Variants in CACNA2D3 observed in about 807,000 individuals in gnomAD.
CACNA2D3 encodes the protein calcium voltage-gated channel auxiliary subunit alpha2delta 3.
A neutral mutation model predicts 160.6 loss-of-function variants in CACNA2D3; 60 were observed. That is an observed-to-expected ratio of 0.37 (90% CI 0.30 to 0.46). The LOEUF (loss-of-function observed/expected upper bound fraction) is 0.46. Ranked by LOEUF, CACNA2D3 falls within the 20% of genes least tolerant of loss-of-function variation. The pLI, the probability that CACNA2D3 is intolerant of heterozygous loss-of-function variation, is 1.00. For missense variants in CACNA2D3, 1,205 were observed against 1,365.0 expected (o/e 0.88, Z 1.85); for synonymous variants, 558 against 492.9 (o/e 1.13, Z -1.75).
At chr3:54,338,927 C>A (rs1704455917) in intron 3 of CACNA2D3, among the ~76,000 whole-genome samples, 1 of 152,192 alleles carries the variant, frequency 6.6e-6, no homozygotes, top group South Asian at 2.1e-4. Flanking sequence ...TTAGCAGCAT[C>A]ACCACAGACA....
At chr3:54,837,039 T>G in intron 14 of CACNA2D3, 120 bp from the exon 15 acceptor site, 1 of 803,122 alleles carries the variant, frequency 1.2e-6, no homozygotes, top group East Asian at 2.4e-5. Context: ...AAGGCTTGAG[T>G]GGGCACTGTT....
intron 4 of CACNA2D3, among the ~76,000 whole-genome samples, chr3:54,423,694 T>C (rs1420863383): frequency 6.6e-6 from 1 of 152,142 alleles, no homozygotes; most frequent in African/African-American, 2.4e-5. Context: ...TCTCTGGTTT[T>C]TCTGAGTAAA....
chr3:55,051,570 C>T (rs945164008), intron 35 of CACNA2D3, among the ~76,000 whole-genome samples: 1 of 151,844 alleles, frequency 6.6e-6, no homozygotes, highest in African/African-American at 2.4e-5. Flanking sequence ...TTGTCTGTGC[C>T]CTCCCTCCAG....
chr3:54,530,904 C>T (rs1309229769), intron 5 of CACNA2D3, among the ~76,000 whole-genome samples: 2 of 152,232 alleles, frequency 1.3e-5, no homozygotes, highest in African/African-American at 2.4e-5. Flanking sequence ...CACACTGGCA[C>T]CACTGAGACC....
At chr3:54,782,762 T>C (rs1341316608) in intron 13 of CACNA2D3, among the ~76,000 whole-genome samples, 1 of 152,030 alleles carries the variant, frequency 6.6e-6, no homozygotes, top group Non-Finnish European at 1.5e-5. Context: ...TATGACTACA[T>C]CATTTAGAAA....
At chr3:54,790,673 C>A (rs368265062) in intron 13 of CACNA2D3, among the ~76,000 whole-genome samples, 14 of 152,264 alleles carry the variant, frequency 9.2e-5, no homozygotes, top group African/African-American at 3.4e-4. Context: ...CAGAACACAT[C>A]TCAATCTCTC....
intron 29 of CACNA2D3, among the ~76,000 whole-genome samples, chr3:54,976,917 A>G (rs1404024731): frequency 6.6e-6 from 1 of 152,226 alleles, no homozygotes; most frequent in Non-Finnish European, 1.5e-5. Context: ...CCTCGTTCTA[A>G]GAAGAAAGGT....
At chr3:54,912,267 C>T (rs1393516019) in intron 27 of CACNA2D3, among the ~76,000 whole-genome samples, 3 of 152,158 alleles carry the variant, frequency 2.0e-5, no homozygotes, top group Non-Finnish European at 4.4e-5. Flanking sequence ...TATCTTATTA[C>T]TTTTCCCATA....
chr3:54,825,149 C>A (rs1342398411), intron 14 of CACNA2D3, among the ~76,000 whole-genome samples: 1 of 152,132 alleles, frequency 6.6e-6, no homozygotes, highest in African/African-American at 2.4e-5. Flanking sequence ...TGCAATGAAA[C>A]TGCCTTTTCT....
At chr3:54,685,258 G>A (rs572104372) in intron 11 of CACNA2D3, among the ~76,000 whole-genome samples, 4 of 152,322 alleles carry the variant, frequency 2.6e-5, no homozygotes, top group African/African-American at 9.6e-5. Context: ...ATGAATCGGA[G>A]GTCCTCAAAG....
intron 2 of CACNA2D3, among the ~76,000 whole-genome samples, chr3:54,260,624 G>A (rs1702385670): frequency 6.6e-6 from 1 of 152,130 alleles, no homozygotes; most frequent in African/African-American, 2.4e-5. Flanking sequence ...CATGAGCTTC[G>A]GGGGACACAT....
chr3:54,674,974 A>G (rs1700215414), intron 11 of CACNA2D3, among the ~76,000 whole-genome samples: 1 of 152,154 alleles, frequency 6.6e-6, no homozygotes, highest in South Asian at 2.1e-4. Context: ...AAGAGACTAG[A>G]GAGAGCCAGT....
chr3:54,500,553 CTT>C (rs1701277201), intron 4 of CACNA2D3, among the ~76,000 whole-genome samples: 1 of 146,054 alleles, frequency 6.8e-6, no homozygotes, highest in Non-Finnish European at 1.5e-5. Context: ...TCCTTCCTTC[CTT>C]TCTCTCTCTT....
intron 5 of CACNA2D3, among the ~76,000 whole-genome samples, chr3:54,529,259 C>T (rs1701770340): frequency 1.3e-5 from 2 of 152,150 alleles, no homozygotes; most frequent in Non-Finnish European, 2.9e-5. Flanking sequence ...CGTTTCTTAA[C>T]AGTAGGCGTT....
intron 17 of CACNA2D3, among the ~76,000 whole-genome samples, chr3:54,859,972 G>GCGCGCGCGCACACACACA (rs535185040): frequency 8.4e-4 from 113 of 133,882 alleles, no homozygotes; most frequent in African/African-American, 2.9e-3. Context: ...GAAAGTAGAT[G>GCGCGCGCGCACACACACA]CACACACACA....
At chr3:54,735,952 A>ATATATCTTTGCATTATTGTTCCATTAT (rs1701489874) in intron 11 of CACNA2D3, among the ~76,000 whole-genome samples, 1 of 136,070 alleles carries the variant, frequency 7.3e-6, no homozygotes, top group Non-Finnish European at 1.6e-5. Flanking sequence ...CACTTTTTGC[A>ATATATCTTTGCATTATTGTTCCATTAT]TATATCTTTG....
chr3:54,275,436 T>A (rs1289476812), intron 2 of CACNA2D3, among the ~76,000 whole-genome samples: 1 of 151,024 alleles, frequency 6.6e-6, no homozygotes, highest in Admixed American at 6.6e-5. Flanking sequence ...ATAAGGAAAC[T>A]CAATTATAAT....
rs78708236 is a variant in CACNA2D3, at chr3:54,202,946, C to T, written c.204+79352C>T. Reference sequence around the variant, plus strand: ...TGTTAAGTGCAGAAAGTGAACTCACCGGGTCAGGGTTGGGAGGATTTTTCT... The same window carrying T: ...TGTTAAGTGCAGAAAGTGAACTCACTGGGTCAGGGTTGGGAGGATTTTTCT... On this transcript the variant is annotated intron_variant, in intron 2 of 37. Transcript: ENST00000474759. Among the ~76,000 whole-genome samples the T allele has an allele frequency of 6.9e-3, 1,044 of 152,066 alleles. 78 individuals are homozygous for T. The East Asian group carries it at 0.18, about 26-fold the overall frequency.
rs1336991815 is a variant in CACNA2D3, at chr3:54,596,299, T to TC, written c.963+14424dup. Among the ~76,000 whole-genome samples, 12 of 152,226 alleles carry TC rather than the reference T, an allele frequency of 7.9e-5. No individual in the cohort carries two copies. The South Asian group carries it at 2.5e-3, about 32-fold the overall frequency. ...CTCAGCCCTGGCCTTGGTGCAGAGTTCCATTCCGCTGGTCCTGACCTCCAG... is the reference window on the plus strand; with the variant it reads ...CTCAGCCCTGGCCTTGGTGCAGAGTTCCCATTCCGCTGGTCCTGACCTCCAG... On this transcript the variant is annotated intron_variant, in intron 9 of 37. Coordinates refer to ENST00000474759, the MANE Select transcript of CACNA2D3 (RefSeq NM_018398.3).
Sources: gnomAD v4.1 joint callset for allele counts (sites outside exome capture counted in the v4.1 genomes callset) on GRCh38, gnomAD v4.1.1 for gene constraint, MANE v1.5 for transcripts, NCBI Gene and HGNC (gene_info 2026-07-23, HGNC 2026-07-21) for gene names.